The following SHISA9 variants were observed in gnomAD, a reference collection of about 807,000 sequenced individuals.
The protein encoded by SHISA9 is protein shisa-9.
Under a neutral mutation model 38.0 loss-of-function variants are expected in SHISA9, and 13 were observed. The ratio of observed to expected loss-of-function variants is 0.34; its 90% CI spans 0.22 to 0.54. The LOEUF is 0.54. Ranked by LOEUF, SHISA9 falls within the 20% of genes least tolerant of loss-of-function variation. The pLI is 0.91. For synonymous variants in SHISA9, 275 were observed against 242.0 expected (o/e 1.14, Z -1.27); for missense variants, 538 against 575.8 (o/e 0.93, Z 0.67).
chr16:13,140,704 G>A (rs2050394801), intron 2 of SHISA9, among the ~76,000 whole-genome samples: 1 of 152,184 alleles, frequency 6.6e-6, no homozygotes, highest in South Asian at 2.1e-4. Context: ...ATCAATTACT[G>A]TGACAAGTGC....
chr16:13,314,847 C>G, the SHISA9 span, among the ~76,000 whole-genome samples: 2 of 152,108 alleles, frequency 1.3e-5, no homozygotes, highest in African/African-American at 4.8e-5. Flanking sequence ...GGGAGTTGTT[C>G]AATTGGCATA....
chr16:13,068,411 C>A (rs1404091005), intron 2 of SHISA9, among the ~76,000 whole-genome samples: 4 of 152,124 alleles, frequency 2.6e-5, no homozygotes, highest in African/African-American at 9.7e-5. Flanking sequence ...GTGTGAACAC[C>A]CACACAGACA....
intron 2 of SHISA9, among the ~76,000 whole-genome samples, chr16:13,096,646 A>G (rs2073830918): frequency 6.6e-6 from 1 of 152,160 alleles, no homozygotes; most frequent in South Asian, 2.1e-4. Flanking sequence ...CGGTGCCCAA[A>G]TCTTACTATG....
chr16:13,049,344 C>A (rs1194031325), intron 2 of SHISA9, among the ~76,000 whole-genome samples: 1 of 152,150 alleles, frequency 6.6e-6, no homozygotes, highest in South Asian at 2.1e-4. Context: ...ATCAGGTTGA[C>A]CAGATGACGT....
At chr16:12,953,644 G>T (rs1477295534) in intron 2 of SHISA9, among the ~76,000 whole-genome samples, 2 of 152,110 alleles carry the variant, frequency 1.3e-5, no homozygotes, top group African/African-American at 4.8e-5. Flanking sequence ...TGGGGCTCAG[G>T]CTTGCTGAGA....
chr16:13,130,876 TG>T (rs1163371483), intron 2 of SHISA9, among the ~76,000 whole-genome samples: 1 of 152,190 alleles, frequency 6.6e-6, no homozygotes, highest in Non-Finnish European at 1.5e-5. Context: ...TGAACATCAC[TG>T]ATCATTAGAG....
chr16:13,420,978 G>A, the SHISA9 span, among the ~76,000 whole-genome samples: 2 of 152,236 alleles, frequency 1.3e-5, no homozygotes, highest in African/African-American at 4.8e-5. Flanking sequence ...ATCCAACTTG[G>A]ACTCTTCACA....
chr16:13,278,285 TA>T, the SHISA9 span, among the ~76,000 whole-genome samples: 10 of 152,192 alleles, frequency 6.6e-5, no homozygotes, highest in East Asian at 1.9e-4. Context: ...CATGGTGGAT[TA>T]TTTTTTTGAT....
chr16:13,342,411 C>T, the SHISA9 span, among the ~76,000 whole-genome samples: 3 of 152,176 alleles, frequency 2.0e-5, no homozygotes, highest in Non-Finnish European at 2.9e-5. Flanking sequence ...CCTCAACCTC[C>T]CCAGTAGCTG....
At chr16:13,226,296 A>T (rs2051278731) in intron 4 of SHISA9, among the ~76,000 whole-genome samples, 1 of 152,212 alleles carries the variant, frequency 6.6e-6, no homozygotes. Context: ...TTGTTGAAAT[A>T]ATCTTGAAAA....
chr16:13,049,887 A>G (rs182965811), intron 2 of SHISA9, among the ~76,000 whole-genome samples: 1 of 150,644 alleles, frequency 6.6e-6, no homozygotes, highest in Non-Finnish European at 1.5e-5. Context: ...AGCATCCGGA[A>G]CCCCACTCCT....
At chr16:12,994,118 T>C (rs539689872) in intron 2 of SHISA9, among the ~76,000 whole-genome samples, 2 of 152,180 alleles carry the variant, frequency 1.3e-5, no homozygotes, top group South Asian at 2.1e-4. Context: ...CTGAGTGAAA[T>C]AGGAATCAAC....
At position 13,192,914 on chromosome 16, in the gene SHISA9, A is replaced by G. The variant is rs143023533; in HGVS notation, c.692-10480A>G. Among the ~76,000 whole-genome samples, 7 of 151,618 alleles carry G rather than the reference A, an allele frequency of 4.6e-5. No homozygotes were observed. In the East Asian group the frequency reaches 1.4e-3, roughly 29 times the overall value. ...AAGAAGAAAGAAGGAGGAGGAGGAG[A>G]AGAGGAGGAAGAAGAGGAGGAAGAG... On this transcript the variant is annotated intron_variant, in intron 2 of 4. Transcript: ENST00000558583.
At chr16:13,005,293 G>C (rs1394140903) in intron 2 of SHISA9, among the ~76,000 whole-genome samples, 3 of 152,096 alleles carry the variant, frequency 2.0e-5, no homozygotes, top group Admixed American at 6.6e-5. Context: ...ATTTAAATTT[G>C]AGACTTTTGG....
intron 2 of SHISA9, among the ~76,000 whole-genome samples, chr16:13,114,260 A>G (rs1441402397): frequency 6.6e-6 from 1 of 151,956 alleles, no homozygotes; most frequent in African/African-American, 2.4e-5. Context: ...AGGTCAGGAG[A>G]TCGAGACCAT....
chr16:13,187,834 A>T (rs190165148), intron 2 of SHISA9, among the ~76,000 whole-genome samples: 295 of 152,344 alleles, frequency 1.9e-3, no homozygotes, highest in African/African-American at 6.9e-3. Flanking sequence ...ACAAAGTAGC[A>T]TGCTTCCACA....
chr16:12,946,327 C>T (rs146364046), intron 2 of SHISA9, among the ~76,000 whole-genome samples: 48 of 152,252 alleles, frequency 3.2e-4, no homozygotes, highest in African/African-American at 1.1e-3. Flanking sequence ...TATAGAATCT[C>T]ATAGTCTTAT....
intron 2 of SHISA9, among the ~76,000 whole-genome samples, chr16:13,176,641 C>A (rs2050733900): frequency 6.6e-6 from 1 of 152,180 alleles, no homozygotes; most frequent in Non-Finnish European, 1.5e-5. Flanking sequence ...CCCCCTCCTG[C>A]TTACATAACT....
At chr16:13,091,701 T>A (rs1257027492) in intron 2 of SHISA9, among the ~76,000 whole-genome samples, 9 of 152,224 alleles carry the variant, frequency 5.9e-5, no homozygotes, top group Non-Finnish European at 2.9e-5. Context: ...GCCATTCGTC[T>A]AATCTTTTTT....
Sources: gnomAD v4.1 joint callset for allele counts (sites outside exome capture counted in the v4.1 genomes callset) on GRCh38, gnomAD v4.1.1 for gene constraint, MANE v1.5 for transcripts, NCBI Gene and HGNC (gene_info 2026-07-23, HGNC 2026-07-21) for gene names.